Variants in RASAL2 observed in about 807,000 individuals in gnomAD.
The protein encoded by RASAL2 is ras GTPase-activating protein nGAP.
A neutral mutation model predicts 128.9 loss-of-function variants in RASAL2; 58 were observed. That is an observed-to-expected ratio of 0.45 (90% CI 0.36 to 0.56). The LOEUF (loss-of-function observed/expected upper bound fraction) is 0.56. Among genes scored for constraint, RASAL2 ranks in the 20% least tolerant of loss-of-function variants. RASAL2 has a pLI of 0.00. For synonymous variants in RASAL2, 561 were observed against 580.8 expected, an observed-to-expected ratio of 0.97 and a Z score of 0.49; for missense variants, 1,360 against 1,601.6, an observed-to-expected ratio of 0.85 and a Z score of 2.57.
Position 178,475,590 on chromosome 1 carries a change from C to T in RASAL2, c.*2351C>T, listed in dbSNP as rs1248083551. The stretch of plus-strand genomic sequence containing the variant: ...GTCTTGCCATTGAGGTTTGGAAGCT[C>T]TTAAGTGCCGATTATGGATTACAGA... On this transcript the variant is annotated 3_prime_UTR_variant, in exon 18 of 18. Transcript: ENST00000367649. 1 of 152,108 alleles carries T rather than the reference C, an allele frequency of 6.6e-6. No individual in the cohort carries two copies. The highest frequency in any genetic ancestry group is 1.5e-5 in the Non-Finnish European group (1 of 68,032). 9.4% of individuals were successfully genotyped at this position (152,108 alleles called of 1,614,324 possible).
chr1:178,234,904 C>T (rs1355957580), intron 1 of RASAL2, among the ~76,000 whole-genome samples: 1 of 152,096 alleles, frequency 6.6e-6, no homozygotes, highest in African/African-American at 2.4e-5. Flanking sequence ...TCAGTGAAAA[C>T]TGAAGTAATT....
chr1:178,252,619 T>A (rs993425088), intron 1 of RASAL2, among the ~76,000 whole-genome samples: 1 of 152,112 alleles, frequency 6.6e-6, no homozygotes, highest in Non-Finnish European at 1.5e-5. Flanking sequence ...AGAAATGAAA[T>A]CATTAAGATC....
At chr1:178,438,055 C>G (rs377562900) in intron 5 of RASAL2, among the ~76,000 whole-genome samples, 3 of 149,996 alleles carry the variant, frequency 2.0e-5, no homozygotes, top group African/African-American at 7.3e-5. Context: ...TTAAAAATTA[C>G]TAAATATCAG....
intron 14 of RASAL2, among the ~76,000 whole-genome samples, chr1:178,459,814 A>G (rs1678048208): frequency 6.6e-6 from 1 of 152,074 alleles, no homozygotes; most frequent in South Asian, 2.1e-4. Flanking sequence ...TAAATTTTTC[A>G]TTTTTATTTT....
intron 1 of RASAL2, among the ~76,000 whole-genome samples, chr1:178,154,915 C>T (rs1661032844): frequency 6.6e-6 from 1 of 152,156 alleles, no homozygotes; most frequent in Non-Finnish European, 1.5e-5. Flanking sequence ...CCTCTGCCTT[C>T]CGGGTTCAGG....
intron 1 of RASAL2, among the ~76,000 whole-genome samples, chr1:178,165,441 T>C (rs553084166): frequency 2.0e-5 from 3 of 152,240 alleles, no homozygotes; most frequent in African/African-American, 4.8e-5. Context: ...CAGAGATTAT[T>C]TGAAGTATAC....
chr1:178,452,667 T>C lies in RASAL2; in HGVS notation c.2009+15T>C. 6.3e-7 allele frequency: 1 copy of C among 1,582,600 alleles called. No homozygotes were observed. Among genetic ancestry groups the C allele is most frequent in the Non-Finnish European group, 8.7e-7 (1 of 1,151,966 alleles). ...AACTTTGCCAAGTAGGTGATACTGTTGTAACCACTTTAAAAACACAGTTTA... is the reference window on the plus strand; with the variant it reads ...AACTTTGCCAAGTAGGTGATACTGTCGTAACCACTTTAAAAACACAGTTTA... On this transcript the variant is annotated intron_variant, in intron 11 of 17. Transcript: ENST00000367649.
At chr1:178,404,253 CA>C (rs1236024169) in intron 4 of RASAL2, among the ~76,000 whole-genome samples, 1 of 150,106 alleles carries the variant, frequency 6.7e-6, no homozygotes, top group East Asian at 1.9e-4. Context: ...AATTAAGGGA[CA>C]AGTGACTAAG....
intron 1 of RASAL2, among the ~76,000 whole-genome samples, chr1:178,113,191 C>G (rs1391849693): frequency 1.3e-5 from 2 of 151,998 alleles, no homozygotes; most frequent in Non-Finnish European, 2.9e-5. Context: ...CTATTCAATT[C>G]CATCGGTCTG....
chr1:178,329,246 A>T (rs1669179335), intron 3 of RASAL2, among the ~76,000 whole-genome samples: 1 of 152,162 alleles, frequency 6.6e-6, no homozygotes, highest in African/African-American at 2.4e-5. Flanking sequence ...GTGGAGAAGG[A>T]AGCAAAGGAA....
chr1:178,291,641 T>A (rs1215661274), intron 2 of RASAL2, among the ~76,000 whole-genome samples: 1 of 152,246 alleles, frequency 6.6e-6, no homozygotes, highest in African/African-American at 2.4e-5. Context: ...ATAAGTTTGA[T>A]TTTCTGTTAA....
chr1:178,205,773 C>G (rs1474210944), intron 1 of RASAL2, among the ~76,000 whole-genome samples: 5 of 152,154 alleles, frequency 3.3e-5, no homozygotes, highest in African/African-American at 9.6e-5. Context: ...AAAAAAGACT[C>G]ATGTTCACAC....
intron 1 of RASAL2, among the ~76,000 whole-genome samples, chr1:178,107,254 T>C (rs188990619): frequency 2.0e-5 from 3 of 152,290 alleles, no homozygotes; most frequent in Admixed American, 2.0e-4. Flanking sequence ...TCACATTTAC[T>C]GTTTTAACAT....
chr1:178,288,361 T>G (rs1667126707), intron 2 of RASAL2, among the ~76,000 whole-genome samples: 1 of 152,298 alleles, frequency 6.6e-6, no homozygotes, highest in Admixed American at 6.5e-5. Context: ...ATTACTTTGC[T>G]TATTACTTCA....
At chr1:178,246,302 C>T (rs1210100715) in intron 1 of RASAL2, among the ~76,000 whole-genome samples, 1 of 152,012 alleles carries the variant, frequency 6.6e-6, no homozygotes, top group Non-Finnish European at 1.5e-5. Flanking sequence ...AAGTTGTATT[C>T]CTAGGTATTT....
In RASAL2 at chr1:178,189,260, A is replaced by G. The variant is rs1249879115; in HGVS notation, c.203-94304A>G. 2.0e-5 allele frequency among the ~76,000 whole-genome samples: 3 copies of G among 152,192 alleles called. No homozygotes were observed. The South Asian group carries it at 6.2e-4, about 31-fold the overall frequency. On this transcript the variant is annotated intron_variant, in intron 1 of 17. Transcript: ENST00000367649. The stretch of plus-strand genomic sequence containing the variant: ...ATTCCACAAATTTTGTTAAATAAAA[A>G]TTGATTGTCATGTGAGGATATAATA...
At chr1:178,110,467 T>C (rs1377689630) in intron 1 of RASAL2, among the ~76,000 whole-genome samples, 1 of 149,618 alleles carries the variant, frequency 6.7e-6, no homozygotes, top group Non-Finnish European at 1.5e-5. Context: ...ATGTGAATAG[T>C]TTTTATACTA....
At chr1:178,396,026 C>T (rs940066075) in intron 4 of RASAL2, among the ~76,000 whole-genome samples, 4 of 150,306 alleles carry the variant, frequency 2.7e-5, no homozygotes, top group African/African-American at 9.8e-5. Context: ...GGTCTCAGAG[C>T]AGAGAAAAAA....
chr1:178,192,200 T>C (rs572264262), intron 1 of RASAL2, among the ~76,000 whole-genome samples: 1 of 152,336 alleles, frequency 6.6e-6, no homozygotes, highest in Non-Finnish European at 1.5e-5. Context: ...TACTCTGTGC[T>C]ATCTTTTTTC....
Sources: gnomAD v4.1 joint callset for allele counts (sites outside exome capture counted in the v4.1 genomes callset) on GRCh38, gnomAD v4.1.1 for gene constraint, MANE v1.5 for transcripts, NCBI Gene and HGNC (gene_info 2026-07-23, HGNC 2026-07-21) for gene names.